TRIO: variants seen among roughly 807,000 people sequenced by gnomAD.
TRIO encodes the protein triple functional domain protein.
A neutral mutation model predicts 351.9 loss-of-function variants in TRIO; 58 were observed. The ratio of observed to expected loss-of-function variants is 0.16; its 90% CI spans 0.13 to 0.21. The LOEUF is 0.21. TRIO is among the 10% of genes least tolerant of loss of function. TRIO has a pLI of 1.00. For missense variants in TRIO, 3,201 were observed against 4,027.8 expected (o/e 0.79, Z 5.56); for synonymous variants, 1,758 against 1,595.7 (o/e 1.10, Z -2.42).
chr5:14,432,508 G>A (rs753143014), intron 34 of TRIO, among the ~76,000 whole-genome samples: 17 of 152,140 alleles, frequency 1.1e-4, no homozygotes, highest in East Asian at 3.8e-4. Context: ...CCAACATTTC[G>A]TCTCTATGAA....
intron 2 of TRIO, among the ~76,000 whole-genome samples, chr5:14,277,086 A>C (rs1581508695): frequency 6.6e-6 from 1 of 152,246 alleles, no homozygotes; most frequent in Non-Finnish European, 1.5e-5. Context: ...TAATCCATTC[A>C]GCAAATGCCA....
chr5:14,259,878 A>G (rs79762464), intron 1 of TRIO, among the ~76,000 whole-genome samples: 3,208 of 152,260 alleles, frequency 0.021, 96 homozygotes, highest in African/African-American at 0.072. Flanking sequence ...CTGCAGGTCA[A>G]TAAACATCTA....
At chr5:14,389,440 A>T (rs537636992) in intron 25 of TRIO, 42 bp downstream of exon 25, 2 of 1,426,944 alleles carry the variant, frequency 1.4e-6, no homozygotes, top group Non-Finnish European at 1.9e-6. Flanking sequence ...CTTGAAATCC[A>T]TGTGCTGAAG....
intron 34 of TRIO, among the ~76,000 whole-genome samples, chr5:14,421,907 C>T (rs542256992): frequency 2.3e-4 from 35 of 152,286 alleles, no homozygotes; most frequent in African/African-American, 8.2e-4. Context: ...CCTCTGTCCC[C>T]TGGGAAGCAG....
At position 14,149,407 on chromosome 5, in the gene TRIO, G is replaced by C. The variant is rs144127485; in HGVS notation, c.157+5525G>C. Among the ~76,000 whole-genome samples the C allele has an allele frequency of 8.0e-4, 122 of 152,278 alleles. 2 individuals carry two copies. Among genetic ancestry groups the C allele is most frequent in the African/African-American group, 2.6e-3 (106 of 41,538 alleles). The stretch of plus-strand genomic sequence containing the variant: ...CATTTTCGCTTCTCATTCACTCATG[G>C]AAACACTTAATTTGCTTACTGAATA... On this transcript the variant is annotated intron_variant, in intron 1 of 56. Transcript: ENST00000344204.
intron 11 of TRIO, among the ~76,000 whole-genome samples, chr5:14,347,905 T>C (rs1042041452): frequency 6.6e-6 from 1 of 152,238 alleles, no homozygotes; most frequent in African/African-American, 2.4e-5. Flanking sequence ...GAAAGTTTCA[T>C]TAATCAGTTT....
At chr5:14,205,160 A>G (rs1791379409) in intron 1 of TRIO, among the ~76,000 whole-genome samples, 3 of 152,186 alleles carry the variant, frequency 2.0e-5, no homozygotes, top group Admixed American at 2.0e-4. Context: ...TCCACAGAAC[A>G]TCGTTGTGTA....
At chr5:14,348,194 C>G (rs1381373470) in intron 11 of TRIO, among the ~76,000 whole-genome samples, 2 of 152,128 alleles carry the variant, frequency 1.3e-5, no homozygotes, top group Non-Finnish European at 2.9e-5. Context: ...CCACACTGGG[C>G]AAAACTGACT....
In TRIO at chr5:14,417,974, C is replaced by T. The variant is rs140641412; in HGVS notation, c.4960-1804C>T. Among the ~76,000 whole-genome samples, 22 of 152,258 alleles carry T rather than the reference C, an allele frequency of 1.4e-4. No individual in the cohort carries two copies. The East Asian group carries it at 3.7e-3, about 25-fold the overall frequency. Reference sequence around the variant, plus strand: ...GGGACTCAGGGTGACTGTGCCCAGCCCCATCTCCGCCCTCCCAGTCCAGGG... The same window carrying T: ...GGGACTCAGGGTGACTGTGCCCAGCTCCATCTCCGCCCTCCCAGTCCAGGG... On this transcript the variant is annotated intron_variant, in intron 33 of 56. Coordinates refer to ENST00000344204, the MANE Select transcript of TRIO (RefSeq NM_007118.4).
At chr5:14,486,503 C>T (rs1561545805) in intron 47 of TRIO, among the ~76,000 whole-genome samples, 2 of 152,166 alleles carry the variant, frequency 1.3e-5, no homozygotes, top group East Asian at 3.9e-4. Flanking sequence ...GGCACAGTTC[C>T]TCAGGTGCGA....
chr5:14,463,059 T>G, intron 36 of TRIO, 134 bp downstream of exon 36: 2 of 1,192,644 alleles, frequency 1.7e-6, no homozygotes, highest in South Asian at 2.1e-5. Flanking sequence ...GCAGTGCTCT[T>G]TCAGGCAGCG....
intron 8 of TRIO, among the ~76,000 whole-genome samples, chr5:14,310,017 C>A (rs1373242698): frequency 6.6e-6 from 1 of 152,186 alleles, no homozygotes; most frequent in African/African-American, 2.4e-5. Flanking sequence ...TAGACCTGCC[C>A]GTGTCACTCC....
intron 27 of TRIO, among the ~76,000 whole-genome samples, chr5:14,392,749 A>G (rs1453248990): frequency 6.6e-6 from 1 of 152,222 alleles, no homozygotes; most frequent in Non-Finnish European, 1.5e-5. Flanking sequence ...TGCAATCATA[A>G]AAAAGGATGA....
intron 34 of TRIO, among the ~76,000 whole-genome samples, chr5:14,429,733 T>G (rs928994318): frequency 6.6e-6 from 1 of 152,238 alleles, no homozygotes; most frequent in African/African-American, 2.4e-5. Flanking sequence ...CTGAGAAGTC[T>G]TGTTCCCACA....
At chr5:14,337,505 G>A (rs1304387925) in intron 11 of TRIO, among the ~76,000 whole-genome samples, 1 of 152,168 alleles carries the variant, frequency 6.6e-6, no homozygotes, top group African/African-American at 2.4e-5. Flanking sequence ...TTCAGATGCA[G>A]CTCTTGATGA....
chr5:14,267,428 G>C (rs1795749420), intron 1 of TRIO, among the ~76,000 whole-genome samples: 1 of 152,164 alleles, frequency 6.6e-6, no homozygotes, highest in Non-Finnish European at 1.5e-5. Context: ...CGGCCACCGA[G>C]GGCAGCCTGT....
Position 14,492,798 on chromosome 5 carries a change from C to T in TRIO, c.7864C>T (p.Pro2622Ser), listed in dbSNP as rs146525516. 3 of 1,613,662 alleles carry T rather than the reference C, an allele frequency of 1.9e-6. No homozygotes were observed. The highest frequency in any genetic ancestry group is 2.5e-6 in the Non-Finnish European group (3 of 1,179,902). ...GHTSAVIVENPDGTLKKSTSW... is the reference protein window; with the variant it reads ...GHTSAVIVENSDGTLKKSTSW... ...CACCAGTGCAGTCATCGTGGAGAAC[C>T]CGGACGGGACTCTCAAGTGAGTGCT... Residue 2622 changes from proline to serine, a missense_variant, in exon 49 of 57, where the codon CCG becomes TCG. Around this residue, in one of 19 missense-constraint regions of TRIO, gnomAD observed 1,089 missense variants for 954.9 expected, o/e 1.14. Coordinates refer to ENST00000344204, the MANE Select transcript of TRIO (RefSeq NM_007118.4).
intron 7 of TRIO, among the ~76,000 whole-genome samples, chr5:14,298,839 C>T (rs566928445): frequency 5.1e-4 from 78 of 152,188 alleles, no homozygotes; most frequent in Non-Finnish European, 8.2e-4. Flanking sequence ...AAAGCCCACA[C>T]ACAAAAACAA....
intron 1 of TRIO, among the ~76,000 whole-genome samples, chr5:14,219,498 A>AATG (rs1329414165): frequency 6.6e-6 from 1 of 152,184 alleles, no homozygotes; most frequent in Non-Finnish European, 1.5e-5. Flanking sequence ...GGCTCTATCA[A>AATG]AGCCTTAGGC....
Sources: gnomAD v4.1 joint callset for allele counts (sites outside exome capture counted in the v4.1 genomes callset) on GRCh38, gnomAD v4.1.1 for gene constraint, gnomAD v4.1.1 regional missense constraint, MANE v1.5 for transcripts, NCBI Gene and HGNC (gene_info 2026-07-23, HGNC 2026-07-21) for gene names.